Variants in PCDH15 observed in about 807,000 individuals in gnomAD.
PCDH15 encodes the protein protocadherin related 15.
In PCDH15, 129 loss-of-function variants were observed where a neutral mutation model predicts 178.5. The ratio of observed to expected loss-of-function variants is 0.72; its 90% CI spans 0.63 to 0.84. PCDH15 has a LOEUF of 0.84. Among genes scored for constraint, PCDH15 ranks in the 40% least tolerant of loss-of-function variants. PCDH15 has a pLI of 0.00. For synonymous variants in PCDH15, 800 were observed against 732.0 expected (o/e 1.09, Z -1.50); for missense variants, 2,230 against 2,099.9 (o/e 1.06, Z -1.21).
chr10:55,625,966 G>A (rs1316165079), intron 2 of PCDH15, among the ~76,000 whole-genome samples: 1 of 152,052 alleles, frequency 6.6e-6, no homozygotes, highest in East Asian at 1.9e-4. Flanking sequence ...CTAGGCATAC[G>A]TAGTATATAC....
intron 1 of PCDH15, among the ~76,000 whole-genome samples, chr10:55,270,097 C>CT (rs1564952662): frequency 6.6e-6 from 1 of 152,088 alleles, no homozygotes; most frequent in Admixed American, 6.6e-5. Context: ...AAGAATGAAC[C>CT]TGACCCCTTA....
Position 54,079,375 on chromosome 10 carries a change from G to T in PCDH15, c.2047C>A (p.Arg683Ser). The change falls in exon 17 of 38, where the codon CGC (arginine) becomes AGC (serine). Residue 683 changes from arginine (R) to serine (S), a missense_variant. Arg to Ser is a moderately radical substitution (Grantham distance 110). Transcript: ENST00000644397. ...GKALDRESTD[R>S]YILIITASDG... is the part of the protein sequence containing the mutation. ...GAAGCTGTGATGATCAGAATGTAGCGATCAGTGCTTTCCCTGTCCAGTGCT... is the reference window on the plus strand; with the variant it reads ...GAAGCTGTGATGATCAGAATGTAGCTATCAGTGCTTTCCCTGTCCAGTGCT... The T allele has an allele frequency of 6.2e-7, 1 of 1,614,054 alleles. No homozygotes were observed. The highest frequency in any genetic ancestry group is 8.5e-7 in the Non-Finnish European group (1 of 1,179,962).
intron 2 of PCDH15, among the ~76,000 whole-genome samples, chr10:55,572,864 C>A (rs1842433084): frequency 6.6e-6 from 1 of 151,936 alleles, no homozygotes; most frequent in Admixed American, 6.6e-5. Context: ...GTTTGGGGTA[C>A]CCGAAGAGCA....
rs1247535536 is a variant in PCDH15, at chr10:55,395,192, TGTGTGA to T, written c.-155-228547_-155-228542del. On this transcript the variant is annotated intron_variant, in intron 2 of 5. Transcript: ENST00000613346. The stretch of plus-strand genomic sequence containing the variant: ...GCGTGTGTGTGTGTGTGTGTGTGTG[TGTGTGA>T]GAGAGAGAGAGAGAGAGAGAGAGAG... Among the ~76,000 whole-genome samples the T allele has an allele frequency of 3.1e-3, 277 of 89,116 alleles. 1 individual carries two copies. Among genetic ancestry groups the T allele is most frequent in the South Asian group, 4.6e-3 (12 of 2,630 alleles). The allele number at this position is 89,116 out of a possible 152,430, so 58.5% of individuals were successfully genotyped here.
intron 1 of PCDH15, among the ~76,000 whole-genome samples, chr10:54,796,907 T>C (rs1952077107): frequency 6.6e-6 from 1 of 151,996 alleles, no homozygotes; most frequent in Non-Finnish European, 1.5e-5. Context: ...CCTTAAATGA[T>C]AAAGCAAAAA....
chr10:54,645,595 T>C (rs1043695373), intron 2 of PCDH15, among the ~76,000 whole-genome samples: 4 of 152,060 alleles, frequency 2.6e-5, no homozygotes, highest in Admixed American at 6.6e-5. Context: ...AAAGACAAGA[T>C]GGACAGAAAT....
intron 1 of PCDH15, among the ~76,000 whole-genome samples, chr10:54,685,052 T>C (rs569855521): frequency 8.5e-4 from 130 of 152,166 alleles, no homozygotes; most frequent in Non-Finnish European, 1.4e-3. Context: ...TAATTTTTAC[T>C]TTTAAAGCAT....
At chr10:54,940,958 T>A (rs1475950592) in intron 2 of PCDH15, among the ~76,000 whole-genome samples, 1 of 152,040 alleles carries the variant, frequency 6.6e-6, no homozygotes, top group Non-Finnish European at 1.5e-5. Context: ...TTTAGAAAAT[T>A]CTGTCTAGCA....
At chr10:55,467,698 G>C (rs1282411941) in intron 2 of PCDH15, among the ~76,000 whole-genome samples, 2 of 151,900 alleles carry the variant, frequency 1.3e-5, no homozygotes, top group Non-Finnish European at 1.5e-5. Flanking sequence ...GGGCGTGGTG[G>C]TTCACGCCTG....
intron 14 of PCDH15, among the ~76,000 whole-genome samples, chr10:54,137,438 CT>C (rs541409737): frequency 1.3e-5 from 2 of 151,830 alleles, no homozygotes; most frequent in East Asian, 1.9e-4. Flanking sequence ...TACATATATA[CT>C]TTTTTTTGAT....
chr10:54,306,243 C>A (rs187216588), intron 8 of PCDH15, among the ~76,000 whole-genome samples: 3 of 152,086 alleles, frequency 2.0e-5, no homozygotes, highest in South Asian at 2.1e-4. Flanking sequence ...AATTAATGAC[C>A]TTTTCTATTA....
chr10:55,069,979 GTGAGA>G (rs1355371651), intron 2 of PCDH15, among the ~76,000 whole-genome samples: 6 of 152,124 alleles, frequency 3.9e-5, no homozygotes, highest in Non-Finnish European at 7.4e-5. Context: ...TCTAACTGGT[GTGAGA>G]TGGTATCTCA....
chr10:54,889,309 A>G (rs1307680547), intron 3 of PCDH15, among the ~76,000 whole-genome samples: 3 of 151,606 alleles, frequency 2.0e-5, no homozygotes, highest in Non-Finnish European at 3.0e-5. Context: ...TGTTAGGGGG[A>G]CTGAATAGTA....
chr10:55,176,863 T>A (rs746420008), intron 1 of PCDH15, among the ~76,000 whole-genome samples: 2 of 152,128 alleles, frequency 1.3e-5, no homozygotes, highest in African/African-American at 4.8e-5. Flanking sequence ...CCCAGCTAAC[T>A]TGGATGGTAT....
chr10:54,655,266 GAGA>G (rs1383242209), intron 2 of PCDH15, among the ~76,000 whole-genome samples: 2 of 97,106 alleles, frequency 2.1e-5, no homozygotes, highest in Non-Finnish European at 4.4e-5. Context: ...AAGAGAGAGA[GAGA>G]GAGAGAGAGA....
chr10:55,035,257 AT>A (rs1840706657), intron 2 of PCDH15, among the ~76,000 whole-genome samples: 1 of 152,152 alleles, frequency 6.6e-6, no homozygotes, highest in Non-Finnish European at 1.5e-5. Context: ...TTATAGCATT[AT>A]TTTTGTATGC....
chr10:53,825,233 C>G, intron 32 of PCDH15: 1 of 1,394,194 alleles, frequency 7.2e-7, no homozygotes, highest in Non-Finnish European at 9.4e-7. Flanking sequence ...AAAATATGAG[C>G]AGGAACTTGC....
intron 2 of PCDH15, among the ~76,000 whole-genome samples, chr10:55,338,048 GA>G (rs1288883961): frequency 6.6e-6 from 1 of 151,930 alleles, no homozygotes; most frequent in Non-Finnish European, 1.5e-5. Context: ...AAACTATATG[GA>G]AAAAAAGCTC....
intron 15 of PCDH15, among the ~76,000 whole-genome samples, chr10:54,093,826 T>C (rs1247061735): frequency 2.6e-5 from 4 of 152,188 alleles, no homozygotes; most frequent in Non-Finnish European, 5.9e-5. Flanking sequence ...AGATGCATCT[T>C]TTTTATCTAG....
Sources: allele counts gnomAD v4.1 joint callset (sites outside exome capture counted in the v4.1 genomes callset), GRCh38; gene constraint gnomAD v4.1.1; transcripts MANE v1.5; gene names NCBI Gene and HGNC (gene_info 2026-07-23, HGNC 2026-07-21).